Variants in NRG3 observed in about 807,000 individuals in gnomAD.
NRG3 encodes the protein pro-neuregulin-3, membrane-bound isoform.
NRG3 carries 31 observed loss-of-function variants against 66.9 expected under a neutral mutation model. That is an observed-to-expected ratio of 0.46 (90% CI 0.35 to 0.63). The LOEUF is 0.63. Ranked by LOEUF, NRG3 falls within the 20% of genes least tolerant of loss-of-function variation. The pLI is 0.00. For missense variants in NRG3, 910 were observed against 878.9 expected, an observed-to-expected ratio of 1.04 and a Z score of -0.45; for synonymous variants, 393 against 359.4, an observed-to-expected ratio of 1.09 and a Z score of -1.06.
Position 82,800,993 on chromosome 10 carries a change from C to A in NRG3, c.1027+62343C>A, listed in dbSNP as rs557705170. Among the ~76,000 whole-genome samples the A allele has an allele frequency of 4.6e-5, 7 of 152,200 alleles. No individual in the cohort carries two copies. In the South Asian group the frequency reaches 1.5e-3, roughly 32 times the overall value. On this transcript the variant is annotated intron_variant, in intron 3 of 8. Transcript: ENST00000372141. ...GAAGGTGGGAAAGAATTGAATTCTT[C>A]TTTATCAAAGGGCAAAGGCAAGGTT...
chr10:81,971,307 A>T (rs1319623557), intron 1 of NRG3, among the ~76,000 whole-genome samples: 1 of 152,198 alleles, frequency 6.6e-6, no homozygotes, highest in Non-Finnish European at 1.5e-5. Context: ...ATTAAGGTGA[A>T]CAGAGGTCTT....
At chr10:82,602,866 G>T (rs956232652) in intron 2 of NRG3, among the ~76,000 whole-genome samples, 2 of 152,192 alleles carry the variant, frequency 1.3e-5, no homozygotes, top group Non-Finnish European at 2.9e-5. Flanking sequence ...CCTTTGGAAT[G>T]ACAGGAGGGC....
intron 2 of NRG3, among the ~76,000 whole-genome samples, chr10:82,389,551 T>G (rs1356659004): frequency 6.6e-6 from 1 of 152,186 alleles, no homozygotes; most frequent in African/African-American, 2.4e-5. Context: ...CTAGCTATTC[T>G]TAACAGGAAG....
intron 2 of NRG3, among the ~76,000 whole-genome samples, chr10:82,593,342 GT>G (rs1306377002): frequency 1.3e-5 from 2 of 152,176 alleles, no homozygotes; most frequent in Non-Finnish European, 2.9e-5. Context: ...AAAGGCTGCA[GT>G]TAATACCAAC....
chr10:82,728,635 T>C (rs950105419), intron 2 of NRG3, among the ~76,000 whole-genome samples: 1 of 152,192 alleles, frequency 6.6e-6, no homozygotes, highest in African/African-American at 2.4e-5. Context: ...AATACAACCT[T>C]TCTAGTCTGG....
intron 1 of NRG3, among the ~76,000 whole-genome samples, chr10:82,098,544 A>T (rs892789894): frequency 1.3e-5 from 2 of 152,120 alleles, no homozygotes; most frequent in African/African-American, 4.8e-5. Flanking sequence ...GGAGAAGACG[A>T]TGGATACACT....
rs935197451 is a variant in NRG3, at chr10:81,953,536, A to G, written c.823+77373A>G. Among the ~76,000 whole-genome samples the G allele has an allele frequency of 7.2e-5, 11 of 152,260 alleles. No individual in the cohort carries two copies. The South Asian group carries it at 8.3e-4, about 11-fold the overall frequency. On this transcript the variant is annotated intron_variant, in intron 1 of 8. Coordinates refer to ENST00000372141, the MANE Select transcript of NRG3 (RefSeq NM_001010848.4). ...AATCACCAAGTCCATCTCTTTTTCT[A>G]TGTTGGTTAGTAACCCAAGAAAATA...
chr10:82,826,030 A>C (rs2062189824), intron 3 of NRG3, among the ~76,000 whole-genome samples: 1 of 152,194 alleles, frequency 6.6e-6, no homozygotes. Context: ...ACCATGGAGT[A>C]AACTTTATGC....
chr10:82,743,197 C>T (rs1305297889), intron 3 of NRG3, among the ~76,000 whole-genome samples: 2 of 152,118 alleles, frequency 1.3e-5, no homozygotes, highest in Non-Finnish European at 2.9e-5. Context: ...CTCTGGCAAG[C>T]AGTGTATACA....
chr10:81,994,768 A>G (rs1476745983), intron 1 of NRG3, among the ~76,000 whole-genome samples: 1 of 152,070 alleles, frequency 6.6e-6, no homozygotes, highest in Non-Finnish European at 1.5e-5. Flanking sequence ...AGCAAGTCCA[A>G]TTTGATCAAG....
intron 1 of NRG3, among the ~76,000 whole-genome samples, chr10:82,156,619 C>A (rs2071206655): frequency 6.6e-6 from 1 of 151,570 alleles, no homozygotes; most frequent in East Asian, 1.9e-4. Context: ...AAAGAAATTT[C>A]TAGTGAATTT....
intron 1 of NRG3, among the ~76,000 whole-genome samples, chr10:81,881,735 G>A (rs1842199481): frequency 6.6e-6 from 1 of 152,002 alleles, no homozygotes; most frequent in African/African-American, 2.4e-5. Flanking sequence ...AGCCTCCCAT[G>A]TCTTGATGTT....
chr10:82,539,347 A>G (rs530446480), intron 2 of NRG3, among the ~76,000 whole-genome samples: 60 of 152,342 alleles, frequency 3.9e-4, no homozygotes, highest in Middle Eastern at 3.4e-3. Flanking sequence ...AGAGAATTCT[A>G]TAGGAAAATC....
intron 1 of NRG3, among the ~76,000 whole-genome samples, chr10:82,102,074 A>T (rs28785770): frequency 7.4e-6 from 1 of 134,878 alleles, no homozygotes; most frequent in East Asian, 2.4e-4. Flanking sequence ...ATGTGTGTAT[A>T]CATATATATA....
rs75910858 is a variant in NRG3, at chr10:82,812,470, T to C, written c.1028-52941T>C. On this transcript the variant is annotated intron_variant, in intron 3 of 8. Transcript: ENST00000372141. ...CAAAATAAAATGTTAAGCCTAGTTA[T>C]TTTTCATTTAATCCTAGGTGAGATA... Among the ~76,000 whole-genome samples the C allele has an allele frequency of 7.1e-3, 1,078 of 152,354 alleles. 11 individuals are homozygous for C. Among genetic ancestry groups the C allele is most frequent in the African/African-American group, 0.023 (942 of 41,588 alleles).
At chr10:81,929,916 C>T (rs951398124) in intron 1 of NRG3, among the ~76,000 whole-genome samples, 1 of 152,128 alleles carries the variant, frequency 6.6e-6, no homozygotes, top group Admixed American at 6.5e-5. Flanking sequence ...ACTAAATATC[C>T]ATAAAAGAAA....
intron 2 of NRG3, among the ~76,000 whole-genome samples, chr10:82,643,230 A>G (rs2050702616): frequency 6.6e-6 from 1 of 152,066 alleles, no homozygotes; most frequent in Non-Finnish European, 1.5e-5. Flanking sequence ...TAATTGAATC[A>G]TGGTCAGGGC....
intron 2 of NRG3, among the ~76,000 whole-genome samples, chr10:82,574,549 A>G (rs1394009835): frequency 6.6e-6 from 1 of 151,866 alleles, no homozygotes; most frequent in East Asian, 1.9e-4. Flanking sequence ...TGTTCCCAAC[A>G]CAAAGAAATT....
At chr10:82,770,307 T>C (rs12783350) in intron 3 of NRG3, among the ~76,000 whole-genome samples, 38,549 of 151,992 alleles carry the variant, frequency 0.25, 5,107 homozygotes, top group Non-Finnish European at 0.27. Context: ...TTTAGTAAAA[T>C]GGGTGGGTAT....
Sources: allele counts gnomAD v4.1 joint callset (sites outside exome capture counted in the v4.1 genomes callset), GRCh38; gene constraint gnomAD v4.1.1; transcripts MANE v1.5; gene names NCBI Gene and HGNC (gene_info 2026-07-23, HGNC 2026-07-21).